WDR59: variants seen among roughly 807,000 people sequenced by gnomAD.
WDR59 encodes GATOR2 complex protein WDR59.
WDR59 carries 100 observed loss-of-function variants against 131.2 expected under a neutral mutation model. That is an observed-to-expected ratio of 0.76 (90% CI 0.65 to 0.90). WDR59 has a LOEUF of 0.90. Ranked by LOEUF, WDR59 falls within the 40% of genes least tolerant of loss-of-function variation. The pLI is 0.00. For synonymous variants in WDR59, 601 were observed against 466.2 expected (o/e 1.29, Z -3.72); for missense variants, 1,203 against 1,262.2 (o/e 0.95, Z 0.71).
chr16:74,923,526 G>A (rs1193199069), intron 9 of WDR59, among the ~76,000 whole-genome samples: 1 of 152,008 alleles, frequency 6.6e-6, no homozygotes, highest in Admixed American at 6.6e-5. Context: ...CACCCAGGCT[G>A]GAGTGCAGTG....
At chr16:74,968,946 G>A (rs1440263220) in intron 1 of WDR59, among the ~76,000 whole-genome samples, 2 of 152,180 alleles carry the variant, frequency 1.3e-5, no homozygotes, top group Admixed American at 1.3e-4. Context: ...AGGGAACACT[G>A]AGCAGAGGAA....
chr16:74,984,907 G>T, intron 1 of WDR59, 57 bp downstream of exon 1: 1 of 1,580,674 alleles, frequency 6.3e-7, no homozygotes, highest in South Asian at 1.2e-5. Flanking sequence ...AGCCGCGTGG[G>T]GGAGGGGAAG....
chr16:74,921,492 TTTTC>T (rs367565236), intron 10 of WDR59, among the ~76,000 whole-genome samples: 1 of 152,012 alleles, frequency 6.6e-6, no homozygotes, highest in African/African-American at 2.4e-5. Context: ...ACATCATCTG[TTTTC>T]TTTTTTTTTT....
chr16:74,912,032 C>T, intron 14 of WDR59, 166 bp downstream of exon 14: 1 of 889,280 alleles, frequency 1.1e-6, no homozygotes. Flanking sequence ...CTGATGTTTT[C>T]TGCACAAAGT....
chr16:74,954,366 C>T (rs1231218545), intron 3 of WDR59, among the ~76,000 whole-genome samples: 1 of 152,164 alleles, frequency 6.6e-6, no homozygotes. Flanking sequence ...CGAGATCATG[C>T]CACTGCACTC....
intron 2 of WDR59, among the ~76,000 whole-genome samples, chr16:74,961,903 T>C (rs890004238): frequency 6.6e-6 from 1 of 152,224 alleles, no homozygotes; most frequent in Non-Finnish European, 1.5e-5. Flanking sequence ...GATTTTCTTC[T>C]AGGGTTTTTA....
At chr16:74,948,470 T>C in intron 6 of WDR59, 49 bp downstream of exon 6, 1 of 1,559,564 alleles carries the variant, frequency 6.4e-7, no homozygotes, top group Non-Finnish European at 8.8e-7. Flanking sequence ...AGGAAGAAAA[T>C]GAAGACAAAC....
At position 74,892,572 on chromosome 16, in the gene WDR59, T is replaced by G; in HGVS notation, c.2001-7A>C. 1 of 1,611,608 alleles carries G rather than the reference T, an allele frequency of 6.2e-7. No homozygotes were observed. The highest frequency in any genetic ancestry group is 8.5e-7 in the Non-Finnish European group (1 of 1,178,508). On this transcript the variant is annotated splice_region_variant and splice_polypyrimidine_tract_variant and intron_variant, in intron 19 of 25. Transcript: ENST00000262144. ...AATATCATTCACATTCAATCTGAAA[T>G]TTTTTAAAAAGAATTAAACATTTCT...
chr16:74,877,285 C>T (rs1964260760), intron 25 of WDR59, among the ~76,000 whole-genome samples: 2 of 151,894 alleles, frequency 1.3e-5, no homozygotes, highest in Non-Finnish European at 2.9e-5. Context: ...CATTTTTAAA[C>T]AAAATTAAAC....
chr16:74,925,113 A>G (rs2030646412), intron 8 of WDR59, among the ~76,000 whole-genome samples: 1 of 152,258 alleles, frequency 6.6e-6, no homozygotes. Flanking sequence ...GTCAACAGAA[A>G]ATTAATGGTG....
At chr16:74,972,976 T>C (rs916052599) in intron 1 of WDR59, among the ~76,000 whole-genome samples, 1 of 152,012 alleles carries the variant, frequency 6.6e-6, no homozygotes, top group Non-Finnish European at 1.5e-5. Flanking sequence ...CTCACGCCTG[T>C]AATCCCAGCA....
chr16:74,896,449 A>C (rs1031181281), intron 18 of WDR59, among the ~76,000 whole-genome samples: 7 of 152,174 alleles, frequency 4.6e-5, no homozygotes, highest in Non-Finnish European at 1.0e-4. Context: ...GCCCTGGCCC[A>C]CATGGTGAAA....
chr16:74,914,586 A>G (rs570608791), intron 13 of WDR59, among the ~76,000 whole-genome samples: 86 of 125,902 alleles, frequency 6.8e-4, no homozygotes, highest in African/African-American at 2.4e-3. Flanking sequence ...AACCACTTAC[A>G]GCAGACTATT....
Position 74,938,874 on chromosome 16 carries a change from G to A in WDR59, c.535-608C>T, listed in dbSNP as rs540109216. Among the ~76,000 whole-genome samples, 248 of 151,362 alleles carry A rather than the reference G, an allele frequency of 1.6e-3. 1 individual carries two copies. The highest frequency in any genetic ancestry group is 5.6e-3 in the African/African-American group (231 of 41,242). On this transcript the variant is annotated intron_variant, in intron 7 of 25. Transcript: ENST00000262144. ...CAGTGCAGTCTGACAATTCCCACTC[G>A]TCTCCCCCATGATCACCCAAGAAGA...
intron 18 of WDR59, chr16:74,899,628 G>A (rs774239001): frequency 1.1e-5 from 13 of 1,208,088 alleles, no homozygotes; most frequent in Non-Finnish European, 1.4e-5. Context: ...CCAGGCAGGT[G>A]GCATTTTATT....
intron 2 of WDR59, among the ~76,000 whole-genome samples, chr16:74,964,368 A>T (rs140435990): frequency 0.018 from 2,416 of 137,768 alleles, 73 homozygotes; most frequent in African/African-American, 0.067. Context: ...AACAAGAGCG[A>T]AACATCATCT....
intron 7 of WDR59, 84 bp downstream of exon 7, chr16:74,942,654 C>T: frequency 7.2e-7 from 1 of 1,387,252 alleles, no homozygotes; most frequent in East Asian, 2.3e-5. Context: ...GACTCTCAAG[C>T]CAAGTCCTGG....
chr16:74,971,899 G>C (rs999115797), intron 1 of WDR59, among the ~76,000 whole-genome samples: 17 of 152,050 alleles, frequency 1.1e-4, no homozygotes, highest in African/African-American at 3.6e-4. Flanking sequence ...TGTAGAGATG[G>C]GGGGTCGCTA....
Position 74,871,665 on chromosome 16 carries a change from C to G in WDR59, c.*2544G>C, listed in dbSNP as rs1964014218. The G allele has an allele frequency of 6.6e-6, 1 of 152,180 alleles. No homozygotes were observed. The highest frequency in any genetic ancestry group is 1.5e-5 in the Non-Finnish European group (1 of 68,032). 9.4% of individuals were successfully genotyped at this position (152,180 alleles called of 1,614,324 possible). On this transcript the variant is annotated 3_prime_UTR_variant, in exon 26 of 26. Coordinates refer to ENST00000262144, the MANE Select transcript of WDR59 (RefSeq NM_030581.4). ...GGACAGGTTTTTACACTAACTTGAGCAGTGGGGAACAGGAAAAGATTGCTC... is the reference window on the plus strand; with the variant it reads ...GGACAGGTTTTTACACTAACTTGAGGAGTGGGGAACAGGAAAAGATTGCTC...
Sources: gnomAD v4.1 joint callset for allele counts (sites outside exome capture counted in the v4.1 genomes callset) on GRCh38, gnomAD v4.1.1 for gene constraint, MANE v1.5 for transcripts, NCBI Gene and HGNC (gene_info 2026-07-23, HGNC 2026-07-21) for gene names.